Variants in CLVS1 observed in about 807,000 individuals in gnomAD.
CLVS1 encodes clavesin 1.
A neutral mutation model predicts 33.1 loss-of-function variants in CLVS1; 10 were observed. The ratio of observed to expected loss-of-function variants is 0.30; its 90% CI spans 0.19 to 0.51. CLVS1 has a LOEUF of 0.51. Ranked by LOEUF, CLVS1 falls within the 20% of genes least tolerant of loss-of-function variation. The pLI is 0.97. For missense variants in CLVS1, 343 were observed against 433.4 expected, an observed-to-expected ratio of 0.79 and a Z score of 1.85; for synonymous variants, 163 against 166.1, an observed-to-expected ratio of 0.98 and a Z score of 0.14.
At chr8:61,210,263 T>C (rs147982871) in intron 2 of CLVS1, among the ~76,000 whole-genome samples, 1,535 of 152,324 alleles carry the variant, frequency 0.01, 13 homozygotes, top group Non-Finnish European at 0.015. Flanking sequence ...TACTCTCCTA[T>C]TTCTCCCACT....
intron 2 of CLVS1, among the ~76,000 whole-genome samples, chr8:61,158,108 G>C (rs6997436): frequency 1.7e-4 from 26 of 151,952 alleles, no homozygotes; most frequent in Non-Finnish European, 1.5e-5. Flanking sequence ...ATCTATTCAG[G>C]TGATGAAATA....
chr8:61,019,661 T>C, the CLVS1 span, among the ~76,000 whole-genome samples: 2 of 152,222 alleles, frequency 1.3e-5, no homozygotes, highest in Admixed American at 6.5e-5. Context: ...TAGCTTTTGC[T>C]CTTTGCTCCA....
intron 5 of CLVS1, among the ~76,000 whole-genome samples, chr8:61,481,019 G>T (rs886718460): frequency 2.0e-5 from 3 of 152,130 alleles, no homozygotes; most frequent in Non-Finnish European, 4.4e-5. Flanking sequence ...CCAAGAGAAA[G>T]ACTGAAGTGC....
chr8:61,326,345 A>G (rs1294228474), intron 2 of CLVS1, among the ~76,000 whole-genome samples: 3 of 152,158 alleles, frequency 2.0e-5, no homozygotes, highest in Non-Finnish European at 2.9e-5. Flanking sequence ...GATTGCATTT[A>G]GGTGTAGAGT....
rs527601062 is a variant in CLVS1 at position 61,483,371 on chromosome 8, A to G, written c.978-16084A>G. Among the ~76,000 whole-genome samples, 9 of 152,226 alleles carry G rather than the reference A, an allele frequency of 5.9e-5. No individual in the cohort carries two copies. In the East Asian group the frequency reaches 1.7e-3, roughly 29 times the overall value. Reference sequence around the variant, plus strand: ...AATGGATAAATTTCTGGACACATACACCCTCCTGAGGCTAAACCAGGAAGA... The same window carrying G: ...AATGGATAAATTTCTGGACACATACGCCCTCCTGAGGCTAAACCAGGAAGA... On this transcript the variant is annotated intron_variant, in intron 5 of 5. Coordinates refer to ENST00000325897, the MANE Select transcript of CLVS1 (RefSeq NM_173519.3).
At chr8:61,281,988 A>G (rs1351228931) in intron 2 of CLVS1, among the ~76,000 whole-genome samples, 2 of 152,228 alleles carry the variant, frequency 1.3e-5, no homozygotes, top group African/African-American at 2.4e-5. Flanking sequence ...CTTTTGAGAA[A>G]AGTGCCCATG....
chr8:61,157,335 A>G (rs1333703374), intron 2 of CLVS1, among the ~76,000 whole-genome samples: 1 of 152,238 alleles, frequency 6.6e-6, no homozygotes, highest in Non-Finnish European at 1.5e-5. Context: ...ATAACTGAAT[A>G]TTCATATAGA....
chr8:61,079,612 C>T (rs1049044860), intron 1 of CLVS1, among the ~76,000 whole-genome samples: 6 of 152,144 alleles, frequency 3.9e-5, no homozygotes, highest in Non-Finnish European at 5.9e-5. Context: ...TGACTTTCAG[C>T]GTGCCCTGCA....
At chr8:61,170,695 A>T (rs1806976264) in intron 2 of CLVS1, among the ~76,000 whole-genome samples, 1 of 152,186 alleles carries the variant, frequency 6.6e-6, no homozygotes, top group Admixed American at 6.6e-5. Context: ...CCTATTTTAG[A>T]ACTGATGTGA....
rs1226358885 is a variant in CLVS1, at chr8:61,501,024, A to G, written c.*1482A>G. ...CAATAACAGAAGTAATTTTTATATT[A>G]TACACTTGGAGAAATAAAGTTGAAA... On this transcript the variant is annotated 3_prime_UTR_variant, in exon 6 of 6. Transcript: ENST00000325897. The G allele has an allele frequency of 1.3e-5, 2 of 152,218 alleles. No individual in the cohort carries two copies. Among genetic ancestry groups the G allele is most frequent in the Admixed American group, 6.5e-5 (1 of 15,278 alleles). The allele number at this position is 152,218 out of a possible 1,614,324, so 9.4% of individuals were successfully genotyped here.
intron 2 of CLVS1, among the ~76,000 whole-genome samples, chr8:61,206,052 T>A (rs1807833275): frequency 6.6e-6 from 1 of 152,194 alleles, no homozygotes; most frequent in Non-Finnish European, 1.5e-5. Context: ...CTGTCAAGCG[T>A]ATAAGTAGCA....
intron 3 of CLVS1, among the ~76,000 whole-genome samples, chr8:61,403,958 A>C (rs1021170059): frequency 6.6e-6 from 1 of 152,240 alleles, no homozygotes; most frequent in Non-Finnish European, 1.5e-5. Flanking sequence ...AGTAGGAGCT[A>C]TTTGGCTACA....
chr8:61,445,904 A>C (rs907342308), intron 3 of CLVS1, among the ~76,000 whole-genome samples: 5 of 152,196 alleles, frequency 3.3e-5, no homozygotes, highest in Non-Finnish European at 4.4e-5. Flanking sequence ...ATTTTATGAG[A>C]AATTGATCTG....
intron 2 of CLVS1, among the ~76,000 whole-genome samples, chr8:61,143,562 C>G (rs1420737269): frequency 6.6e-6 from 1 of 151,980 alleles, no homozygotes; most frequent in African/African-American, 2.4e-5. Flanking sequence ...ATGTAGGACT[C>G]CCATAAAGAG....
At chr8:61,254,885 C>T (rs1809042056) in intron 2 of CLVS1, among the ~76,000 whole-genome samples, 1 of 152,206 alleles carries the variant, frequency 6.6e-6, no homozygotes, top group Non-Finnish European at 1.5e-5. Context: ...GGTGATGCCT[C>T]AGCCTCCTTT....
At chr8:61,453,925 G>A (rs1817055434) in intron 3 of CLVS1, among the ~76,000 whole-genome samples, 1 of 152,170 alleles carries the variant, frequency 6.6e-6, no homozygotes, top group Non-Finnish European at 1.5e-5. Context: ...CAATTTTAAA[G>A]TTATGCATGG....
At chr8:61,024,183 C>T in the CLVS1 span, among the ~76,000 whole-genome samples, 3 of 152,212 alleles carry the variant, frequency 2.0e-5, no homozygotes, top group Non-Finnish European at 4.4e-5. Context: ...AAGTATTTTA[C>T]TTCCAGGGAA....
rs145934853 is a variant in CLVS1 at position 61,240,237 on chromosome 8, C to T, written c.-151-59440C>T. ...AAAAGCAAACTCCCTGCATGCATCA[C>T]TAGACCTGGTCTTTTCTTCTCTCAC... On this transcript the variant is annotated intron_variant, in intron 2 of 2. Transcript: ENST00000522621. Among the ~76,000 whole-genome samples the T allele has an allele frequency of 3.4e-3, 525 of 152,318 alleles. 1 individual carries two copies. Among genetic ancestry groups the T allele is most frequent in the Non-Finnish European group, 5.1e-3 (350 of 68,024 alleles).
At chr8:61,406,269 C>G (rs1386070081) in intron 3 of CLVS1, among the ~76,000 whole-genome samples, 1 of 152,160 alleles carries the variant, frequency 6.6e-6, no homozygotes, top group Non-Finnish European at 1.5e-5. Context: ...CAATACATTC[C>G]TCACGTAAAC....
Sources: allele counts gnomAD v4.1 joint callset (sites outside exome capture counted in the v4.1 genomes callset), GRCh38; gene constraint gnomAD v4.1.1; transcripts MANE v1.5; gene names NCBI Gene and HGNC (gene_info 2026-07-23, HGNC 2026-07-21).